The following SGCZ variants were observed in gnomAD, a reference collection of about 807,000 sequenced individuals.
SGCZ encodes the protein sarcoglycan zeta, also known as zeta-sarcoglycan.
Under a neutral mutation model 41.3 loss-of-function variants are expected in SGCZ, and 40 were observed. The observed-to-expected ratio is 0.97, with a 90% confidence interval of 0.75 to 1.26. The LOEUF (loss-of-function observed/expected upper bound fraction) is 1.26. SGCZ is among the 50% of genes most tolerant of loss of function. The pLI, the probability that SGCZ is intolerant of heterozygous loss-of-function variation, is 0.00. For missense variants in SGCZ, 552 were observed against 369.8 expected (o/e 1.49, Z -4.04); for synonymous variants, 206 against 137.5 (o/e 1.50, Z -3.49).
chr8:14,937,148 A>C (rs2130814304), intron 1 of SGCZ, among the ~76,000 whole-genome samples: 1 of 151,994 alleles, frequency 6.6e-6, no homozygotes, highest in Non-Finnish European at 1.5e-5. Context: ...CTTTGGCAAC[A>C]TTGTTCAACA....
chr8:14,888,661 T>G (rs995290253), intron 1 of SGCZ, among the ~76,000 whole-genome samples: 2 of 152,156 alleles, frequency 1.3e-5, no homozygotes, highest in Non-Finnish European at 2.9e-5. Flanking sequence ...AATTCTTTAG[T>G]ATATTAAATT....
chr8:15,147,586 C>T (rs1017041227), intron 1 of SGCZ, among the ~76,000 whole-genome samples: 3 of 152,128 alleles, frequency 2.0e-5, no homozygotes, highest in South Asian at 2.1e-4. Flanking sequence ...CTGACACTTC[C>T]GTTTTATTGG....
intron 2 of SGCZ, among the ~76,000 whole-genome samples, chr8:14,345,789 T>G (rs1802873054): frequency 6.6e-6 from 1 of 152,120 alleles, no homozygotes; most frequent in Non-Finnish European, 1.5e-5. Context: ...ATTGCAGTCC[T>G]AGATCATGAT....
chr8:14,715,560 A>ACACACC lies in SGCZ; in HGVS notation c.40-160635_40-160634insGGTGTG, dbSNP rs1554486604. On this transcript the variant is annotated intron_variant, in intron 1 of 7. Transcript: ENST00000382080. ...CACACACACACACACACACACACAC[A>ACACACC]AACATGCACACATAAAAACAGGATT... Among the ~76,000 whole-genome samples the ACACACC allele has an allele frequency of 1.5e-4, 23 of 151,414 alleles. 1 individual carries two copies. The East Asian group carries it at 1.9e-3, about 13-fold the overall frequency.
chr8:14,592,972 A>C (rs1805287204), intron 1 of SGCZ, among the ~76,000 whole-genome samples: 1 of 152,162 alleles, frequency 6.6e-6, no homozygotes, highest in African/African-American at 2.4e-5. Context: ...AAACTACCGC[A>C]ATTGTTGGTT....
At chr8:14,637,579 T>G (rs1426070479) in intron 1 of SGCZ, among the ~76,000 whole-genome samples, 1 of 151,732 alleles carries the variant, frequency 6.6e-6, no homozygotes, top group Non-Finnish European at 1.5e-5. Flanking sequence ...GTATTTGTTT[T>G]TTTTGTTCCT....
intron 2 of SGCZ, among the ~76,000 whole-genome samples, chr8:14,479,167 A>G (rs1430958956): frequency 6.6e-6 from 1 of 152,174 alleles, no homozygotes; most frequent in African/African-American, 2.4e-5. Context: ...CCGAGTCCCA[A>G]AACCTCAAAA....
intron 1 of SGCZ, among the ~76,000 whole-genome samples, chr8:14,790,076 G>A (rs959097557): frequency 5.3e-5 from 8 of 152,042 alleles, no homozygotes; most frequent in Non-Finnish European, 1.2e-4. Context: ...AAAAAATACT[G>A]TCAATTTATT....
intron 1 of SGCZ, among the ~76,000 whole-genome samples, chr8:14,579,016 T>A (rs1200929151): frequency 2.6e-5 from 4 of 152,182 alleles, no homozygotes; most frequent in Admixed American, 6.5e-5. Context: ...AATTTAATGA[T>A]CTTTGCCTTT....
At chr8:14,229,495 C>A (rs1471910490) in intron 4 of SGCZ, among the ~76,000 whole-genome samples, 1 of 151,906 alleles carries the variant, frequency 6.6e-6, no homozygotes, top group African/African-American at 2.4e-5. Flanking sequence ...TAATAATGAA[C>A]TCAAAATCAA....
At chr8:15,200,118 A>G (rs1800846682) in intron 1 of SGCZ, among the ~76,000 whole-genome samples, 2 of 152,220 alleles carry the variant, frequency 1.3e-5, no homozygotes, top group Admixed American at 6.5e-5. Flanking sequence ...GTATCTCTTC[A>G]TCCAAAGTAA....
At chr8:14,092,219 A>C (rs1801708726) in intron 7 of SGCZ, among the ~76,000 whole-genome samples, 1 of 152,164 alleles carries the variant, frequency 6.6e-6, no homozygotes, top group African/African-American at 2.4e-5. Flanking sequence ...TGGTTACTGT[A>C]GCCTTGTATT....
rs73535257 is a variant in SGCZ at position 14,587,786 on chromosome 8, A to T, written c.40-32860T>A. 8.4e-3 allele frequency among the ~76,000 whole-genome samples: 1,280 copies of T among 152,292 alleles called. 13 individuals carry two copies. The highest frequency in any genetic ancestry group is 0.029 in the African/African-American group (1,219 of 41,562). On this transcript the variant is annotated intron_variant, in intron 1 of 7. Transcript: ENST00000382080. ...AATCAGGAAGATGAGACTTACAAAA[A>T]GTCTTCTTTTTAACAGGCTCAAAAT...
At chr8:14,613,462 C>T (rs1229883368) in intron 1 of SGCZ, among the ~76,000 whole-genome samples, 1 of 152,072 alleles carries the variant, frequency 6.6e-6, no homozygotes, top group Non-Finnish European at 1.5e-5. Context: ...CCATGAAATT[C>T]AGGTAACTTG....
intron 2 of SGCZ, among the ~76,000 whole-genome samples, chr8:14,483,716 G>A (rs13267830): frequency 0.21 from 31,713 of 152,042 alleles, 3,365 homozygotes; most frequent in South Asian, 0.22. Flanking sequence ...TAATGGGTAC[G>A]TCTTGGTTAC....
intron 2 of SGCZ, among the ~76,000 whole-genome samples, chr8:14,381,353 T>A (rs181136347): frequency 6.6e-6 from 1 of 152,322 alleles, no homozygotes; most frequent in East Asian, 1.9e-4. Context: ...TCAGAAATTA[T>A]TCAGGTCCAG....
intron 1 of SGCZ, among the ~76,000 whole-genome samples, chr8:15,110,454 A>G: frequency 6.6e-6 from 1 of 152,202 alleles, no homozygotes; most frequent in South Asian, 2.1e-4. Flanking sequence ...CTTAAATTAC[A>G]TGGTTTCTAG....
At chr8:14,806,529 AG>A (rs1393281863) in intron 1 of SGCZ, among the ~76,000 whole-genome samples, 3 of 152,240 alleles carry the variant, frequency 2.0e-5, no homozygotes, top group African/African-American at 7.2e-5. Flanking sequence ...AGACTAAACC[AG>A]GAGGAAGTTG....
chr8:14,627,893 A>G (rs1213449956), intron 1 of SGCZ, among the ~76,000 whole-genome samples: 1 of 152,110 alleles, frequency 6.6e-6, no homozygotes, highest in Non-Finnish European at 1.5e-5. Context: ...GGAAAAGCCA[A>G]TGTCTAGAAA....
Sources: allele counts gnomAD v4.1 joint callset (sites outside exome capture counted in the v4.1 genomes callset), GRCh38; gene constraint gnomAD v4.1.1; transcripts MANE v1.5; gene names NCBI Gene and HGNC (gene_info 2026-07-23, HGNC 2026-07-21).